Variants in KIF2A observed in about 807,000 individuals in gnomAD.
The protein encoded by KIF2A is kinesin-like protein KIF2A.
KIF2A carries 22 observed loss-of-function variants against 100.2 expected under a neutral mutation model. The ratio of observed to expected loss-of-function variants is 0.22; its 90% CI spans 0.16 to 0.31. The LOEUF is 0.31. Ranked by LOEUF, KIF2A falls within the 10% of genes least tolerant of loss-of-function variation. KIF2A has a pLI of 1.00. For synonymous variants in KIF2A, 268 were observed against 285.9 expected, an observed-to-expected ratio of 0.94 and a Z score of 0.63; for missense variants, 495 against 898.7, an observed-to-expected ratio of 0.55 and a Z score of 5.74.
rs1742152623 is a variant in KIF2A, at chr5:62,388,701, T to A, written c.*3132T>A. ...AGGCCTTACAGTATATAACAGTAAA[T>A]AGAAGAGTAACATCTTTATACAATA... On this transcript the variant is annotated 3_prime_UTR_variant, in exon 21 of 21. Coordinates refer to ENST00000407818, the MANE Select transcript of KIF2A (RefSeq NM_001098511.3). 9.1e-6 allele frequency: 3 copies of A among 330,774 alleles called. No homozygotes were observed. Among genetic ancestry groups the A allele is most frequent in the Admixed American group, 9.5e-5 (2 of 21,098 alleles). The allele number at this position is 330,774 out of a possible 1,614,324, so 20.5% of individuals were successfully genotyped here. A position where few individuals can be genotyped will look rare whatever the true frequency, so the allele number is the denominator to read the frequency against.
chr5:62,357,294 G>A (rs1030886510), intron 7 of KIF2A, among the ~76,000 whole-genome samples: 8 of 151,814 alleles, frequency 5.3e-5, no homozygotes, highest in African/African-American at 1.9e-4. Context: ...ATGTTGGCCA[G>A]GCTAGTCTCA....
chr5:62,316,066 A>G (rs751027662), intron 1 of KIF2A, among the ~76,000 whole-genome samples: 9 of 152,222 alleles, frequency 5.9e-5, no homozygotes, highest in Middle Eastern at 3.4e-3. Flanking sequence ...AGAGGACTGT[A>G]GAGCCTATCA....
chr5:62,320,565 A>ATT (rs11442569), intron 1 of KIF2A, among the ~76,000 whole-genome samples: 67 of 148,640 alleles, frequency 4.5e-4, no homozygotes, highest in Admixed American at 1.2e-3. Flanking sequence ...TGACTATAGC[A>ATT]TTTTTTTTTT....
In KIF2A at chr5:62,374,599, T is replaced by C. The variant is rs187589064; in HGVS notation, c.1911+762T>C. 3.3e-5 allele frequency among the ~76,000 whole-genome samples: 5 copies of C among 152,138 alleles called. No individual in the cohort carries two copies. In the East Asian group the frequency reaches 9.6e-4, roughly 29 times the overall value. On this transcript the variant is annotated intron_variant, in intron 18 of 20. Transcript: ENST00000407818. ...AAAATTTGGGAAAAATTTAAAGTAA[T>C]ATAGGGGAAAACAACTTTAAAAATT...
At chr5:62,371,466 T>C (rs1741325358) in intron 16 of KIF2A, among the ~76,000 whole-genome samples, 1 of 152,188 alleles carries the variant, frequency 6.6e-6, no homozygotes, top group South Asian at 2.1e-4. Context: ...TTCATTTAGT[T>C]CAACCTAAGA....
At chr5:62,372,410 T>C (rs1357618300) in intron 16 of KIF2A, 28 bp from the exon 17 acceptor site, 1 of 1,262,836 alleles carries the variant, frequency 7.9e-7, no homozygotes, top group Middle Eastern at 1.8e-4. Context: ...GCATTTTCTT[T>C]TAATTTGTTG....
intron 16 of KIF2A, among the ~76,000 whole-genome samples, chr5:62,369,363 C>A (rs1741217716): frequency 6.6e-6 from 1 of 152,160 alleles, no homozygotes; most frequent in Non-Finnish European, 1.5e-5. Context: ...CTTCACCAGG[C>A]AGCAGGAAGG....
chr5:62,343,280 T>A (rs552414687), intron 1 of KIF2A, among the ~76,000 whole-genome samples: 1 of 152,290 alleles, frequency 6.6e-6, no homozygotes, highest in South Asian at 2.1e-4. Flanking sequence ...AGGTCATCAA[T>A]TTCACCCACC....
intron 18 of KIF2A, among the ~76,000 whole-genome samples, chr5:62,375,591 T>A (rs1216536484): frequency 6.6e-6 from 1 of 152,232 alleles, no homozygotes; most frequent in East Asian, 1.9e-4. Flanking sequence ...TTGTAAACAA[T>A]GTTAGTTAGT....
chr5:62,385,809 G>T lies in KIF2A; in HGVS notation c.*240G>T. ...ATTTTGTTTCATTTACACAAATAGT[G>T]ATTTACTTTTGGAGATCCTTGTCAG... is the stretch of plus-strand genomic sequence containing the variant. On this transcript the variant is annotated 3_prime_UTR_variant, in exon 21 of 21. Coordinates refer to ENST00000407818, the MANE Select transcript of KIF2A (RefSeq NM_001098511.3). 4.2e-6 allele frequency: 2 copies of T among 471,320 alleles called. No homozygotes were observed. The highest frequency in any genetic ancestry group is 3.5e-5 in the Admixed American group (1 of 28,328). 29.2% of individuals were successfully genotyped at this position (471,320 alleles called of 1,614,324 possible).
At chr5:62,350,037 A>G in intron 3 of KIF2A, 29 bp from the exon 4 acceptor site, 1 of 1,503,012 alleles carries the variant, frequency 6.7e-7, no homozygotes, top group East Asian at 2.3e-5. Flanking sequence ...AAAGATAGAA[A>G]ACATAATGAA....
chr5:62,310,864 GT>G (rs1013233186), intron 1 of KIF2A, among the ~76,000 whole-genome samples: 3 of 149,198 alleles, frequency 2.0e-5, no homozygotes, highest in African/African-American at 4.9e-5. Context: ...AGCTAGTTTG[GT>G]TTTTTTTTTC....
chr5:62,370,436 G>A (rs1460848344), intron 16 of KIF2A, among the ~76,000 whole-genome samples: 1 of 152,060 alleles, frequency 6.6e-6, no homozygotes, highest in African/African-American at 2.4e-5. Flanking sequence ...TGGGATTACA[G>A]GCGCCCGTCA....
At chr5:62,343,017 G>A (rs1333922611) in intron 1 of KIF2A, among the ~76,000 whole-genome samples, 1 of 152,104 alleles carries the variant, frequency 6.6e-6, no homozygotes, top group Non-Finnish European at 1.5e-5. Context: ...CTCCCAAAGT[G>A]CTGGGATTAC....
chr5:62,359,974 A>T (rs1215729309), intron 9 of KIF2A, among the ~76,000 whole-genome samples: 2 of 151,178 alleles, frequency 1.3e-5, no homozygotes, highest in Non-Finnish European at 3.0e-5. Flanking sequence ...CTACTTGTAG[A>T]TCTGTTTTCC....
intron 1 of KIF2A, among the ~76,000 whole-genome samples, chr5:62,330,439 A>G (rs188672090): frequency 4.6e-5 from 7 of 152,210 alleles, no homozygotes; most frequent in African/African-American, 7.2e-5. Context: ...TTTACCATCA[A>G]TGTGTTCTGA....
At chr5:62,363,552 A>G in intron 13 of KIF2A, 143 bp from the exon 14 acceptor site, 1 of 756,380 alleles carries the variant, frequency 1.3e-6, no homozygotes. Context: ...TAAGTGTTAT[A>G]ACTCAGTGTC....
intron 1 of KIF2A, among the ~76,000 whole-genome samples, chr5:62,327,415 C>T (rs1746432156): frequency 6.6e-6 from 1 of 152,126 alleles, no homozygotes; most frequent in East Asian, 1.9e-4. Flanking sequence ...CTAAGATCTG[C>T]CCTTCCAAAG....
chr5:62,355,427 T>C (rs890653418), intron 7 of KIF2A, among the ~76,000 whole-genome samples, 173 bp downstream of exon 7: 2 of 152,234 alleles, frequency 1.3e-5, no homozygotes, highest in African/African-American at 2.4e-5. Context: ...TTAATGCTTA[T>C]TTTCCATAAT....
Sources: allele counts gnomAD v4.1 joint callset (sites outside exome capture counted in the v4.1 genomes callset), GRCh38; gene constraint gnomAD v4.1.1; transcripts MANE v1.5; gene names NCBI Gene and HGNC (gene_info 2026-07-23, HGNC 2026-07-21).